The following GNG7 variants were observed in gnomAD, a reference collection of about 807,000 sequenced individuals.
GNG7 encodes the protein guanine nucleotide-binding protein G(I)/G(S)/G(O) subunit gamma-7.
Under a neutral mutation model 4.0 loss-of-function variants are expected in GNG7, and 1 was observed. That is an observed-to-expected ratio of 0.25 (90% CI 0.09 to 1.18). The LOEUF is 1.18. Among genes scored for constraint, GNG7 ranks in the 50% most tolerant of loss-of-function variants. The pLI, the probability that GNG7 is intolerant of heterozygous loss-of-function variation, is 0.50. For missense variants in GNG7, 86 were observed against 91.9 expected, an observed-to-expected ratio of 0.94 and a Z score of 0.26; for synonymous variants, 34 against 36.9, an observed-to-expected ratio of 0.92 and a Z score of 0.29.
intron 4 of GNG7, 123 bp downstream of exon 4, chr19:2,520,485 G>A (rs1490850893): frequency 3.3e-6 from 2 of 613,864 alleles, no homozygotes; most frequent in African/African-American, 3.7e-5. Flanking sequence ...AGGGCCTCAA[G>A]GTCACACAGC....
intron 2 of GNG7, among the ~76,000 whole-genome samples, chr19:2,616,786 G>A (rs1981735868): frequency 6.6e-6 from 1 of 151,814 alleles, no homozygotes; most frequent in South Asian, 2.1e-4. Flanking sequence ...AAAAAAACCA[G>A]ACAAATATAG....
At position 2,633,727 on chromosome 19, in the gene GNG7, G is replaced by C. The variant is rs1405122056; in HGVS notation, c.-78+12497C>G. Among the ~76,000 whole-genome samples the C allele has an allele frequency of 6.6e-6, 1 of 152,114 alleles. No homozygotes were observed. The highest frequency in any genetic ancestry group is 2.4e-5 in the African/African-American group (1 of 41,436). The stretch of plus-strand genomic sequence containing the variant: ...GTTTACCGGGGCTTGAGTGGGAGCT[G>C]TAGTAATTCTGTCCAGAAGAGGACA... On this transcript the variant is annotated intron_variant, in intron 2 of 4. Transcript: ENST00000382159. The surrounding 1 kb of genome is among the most constrained non-coding windows in gnomAD (Gnocchi z 5.9).
At chr19:2,590,888 T>A (rs1056226234) in intron 2 of GNG7, among the ~76,000 whole-genome samples, 3 of 151,282 alleles carry the variant, frequency 2.0e-5, no homozygotes, top group African/African-American at 7.3e-5. Context: ...CATCCACCCA[T>A]CCATCCATTT....
Position 2,512,133 on chromosome 19 carries a change from G to A in GNG7, c.*2889C>T. On this transcript the variant is annotated 3_prime_UTR_variant, in exon 5 of 5. Coordinates refer to ENST00000382159, the MANE Select transcript of GNG7 (RefSeq NM_052847.3). This position sits in a 1 kb window ranked among gnomAD's most constrained non-coding sequence, Gnocchi z 4.7. Reference sequence around the variant, plus strand: ...CTTAACTCTCTTTTCCCCTGGCGTAGCTGAGAGAGGCTTGTCCCCCCAAGG... The same window carrying A: ...CTTAACTCTCTTTTCCCCTGGCGTAACTGAGAGAGGCTTGTCCCCCCAAGG... 1 of 985,654 alleles carries A rather than the reference G, an allele frequency of 1.0e-6. No homozygotes were observed. The highest frequency in any genetic ancestry group is 1.2e-6 in the Non-Finnish European group (1 of 829,960). The allele number at this position is 985,654 out of a possible 1,614,324, so 61.1% of individuals were successfully genotyped here.
chr19:2,521,612 G>GCTTTTTT (rs1177641184), intron 3 of GNG7, among the ~76,000 whole-genome samples: 1 of 104,702 alleles, frequency 9.6e-6, no homozygotes, highest in African/African-American at 3.9e-5. Context: ...CCCCCTCCGT[G>GCTTTTTT]TTTTTTTTTT....
chr19:2,699,546 C>A (rs944382217), intron 1 of GNG7, among the ~76,000 whole-genome samples: 1 of 152,196 alleles, frequency 6.6e-6, no homozygotes, highest in Non-Finnish European at 1.5e-5. Flanking sequence ...ATCCTCAATT[C>A]TGAATGACCC....
intron 1 of GNG7, among the ~76,000 whole-genome samples, chr19:2,646,660 G>A (rs905378611): frequency 1.3e-5 from 2 of 150,824 alleles, no homozygotes; most frequent in African/African-American, 4.9e-5. Flanking sequence ...CCTCCAGCCT[G>A]GGCAACAGGG....
intron 2 of GNG7, among the ~76,000 whole-genome samples, chr19:2,575,592 G>GAC (rs145771583): frequency 8.2e-6 from 1 of 121,702 alleles, no homozygotes; most frequent in African/African-American, 3.1e-5. Flanking sequence ...GGCACACGCA[G>GAC]ACACGCAGGC....
Position 2,513,063 on chromosome 19 carries a change from G to T in GNG7, c.*1959C>A. On this transcript the variant is annotated 3_prime_UTR_variant, in exon 5 of 5. Coordinates refer to ENST00000382159, the MANE Select transcript of GNG7 (RefSeq NM_052847.3). ...TGCCGTAGAGAGCTGGGTGCCGGGG[G>T]TGGGGAGCCCGGCTGTGGCCTGTGG... is the stretch of plus-strand genomic sequence containing the variant. 2.0e-6 allele frequency: 2 copies of T among 985,594 alleles called. No homozygotes were observed. Among genetic ancestry groups the T allele is most frequent in the Non-Finnish European group, 2.4e-6 (2 of 830,062 alleles). 61.1% of individuals were successfully genotyped at this position (985,594 alleles called of 1,614,324 possible).
intron 2 of GNG7, chr19:2,643,081 G>A (rs1305504419): frequency 3.6e-5 from 16 of 450,246 alleles, no homozygotes; most frequent in Admixed American, 1.7e-4. Context: ...ACACCTTTCC[G>A]CCTTGCGCCA....
intron 2 of GNG7, chr19:2,642,302 A>T (rs941546353): frequency 5.0e-6 from 1 of 199,696 alleles, no homozygotes; most frequent in African/African-American, 2.3e-5. Flanking sequence ...GAATTGCCGT[A>T]TCCTAGCTTG....
At position 2,696,563 on chromosome 19, in the gene GNG7, C is replaced by T. The variant is rs8102960; in HGVS notation, c.-135+6083G>A. Among the ~76,000 whole-genome samples, 973 of 152,318 alleles carry T rather than the reference C, an allele frequency of 6.4e-3. 13 individuals carry two copies. The highest frequency in any genetic ancestry group is 0.022 in the African/African-American group (907 of 41,576). ...TTGCCCAAAGGCAAAAGCGGCCGAG[C>T]GTGTGTTGCTGAATGGATGGATGAG... On this transcript the variant is annotated intron_variant, in intron 1 of 4. Coordinates refer to ENST00000382159, the MANE Select transcript of GNG7 (RefSeq NM_052847.3).
intron 2 of GNG7, among the ~76,000 whole-genome samples, chr19:2,558,339 C>T (rs113863602): frequency 5.9e-5 from 9 of 151,536 alleles, no homozygotes; most frequent in Non-Finnish European, 5.9e-5. Context: ...TGGGCTCAAG[C>T]GATCCTCCCT....
intron 1 of GNG7, among the ~76,000 whole-genome samples, chr19:2,678,019 A>G (rs1983637185): frequency 6.6e-6 from 1 of 152,204 alleles, no homozygotes; most frequent in African/African-American, 2.4e-5. Context: ...CAAAGGACAA[A>G]GCCAGTCCCA....
In GNG7 at chr19:2,674,830, T is replaced by A. The variant is rs113904006; in HGVS notation, c.-135+27816A>T. On this transcript the variant is annotated intron_variant, in intron 1 of 4. Coordinates refer to ENST00000382159, the MANE Select transcript of GNG7 (RefSeq NM_052847.3). The stretch of plus-strand genomic sequence containing the variant: ...CAGAGATCTCCTTATGTGATGGTCG[T>A]AACTCGCATTTCCACCCTCGACAGC... 9.5e-3 allele frequency among the ~76,000 whole-genome samples: 1,442 copies of A among 152,286 alleles called. 24 individuals carry two copies. The highest frequency in any genetic ancestry group is 0.032 in the African/African-American group (1,336 of 41,544).
chr19:2,540,967 A>G (rs2144747402), intron 3 of GNG7, among the ~76,000 whole-genome samples: 1 of 152,368 alleles, frequency 6.6e-6, no homozygotes, highest in East Asian at 1.9e-4. Flanking sequence ...ACCAGCAGGG[A>G]GAGAGCATGC....
intron 1 of GNG7, among the ~76,000 whole-genome samples, chr19:2,667,549 C>T (rs1021987987): frequency 3.9e-5 from 6 of 152,152 alleles, no homozygotes; most frequent in African/African-American, 1.4e-4. Context: ...GAGGCCGAGG[C>T]AGGAGGATCA....
intron 3 of GNG7, among the ~76,000 whole-genome samples, chr19:2,535,164 T>C (rs1256527077): frequency 6.6e-6 from 1 of 152,078 alleles, no homozygotes; most frequent in Non-Finnish European, 1.5e-5. Flanking sequence ...ATTTGAGTTG[T>C]ATGCCTACTG....
At chr19:2,643,556 GTCCGAGACCTC>G (rs1253281775) in intron 2 of GNG7, 4 of 366,624 alleles carry the variant, frequency 1.1e-5, no homozygotes, top group Non-Finnish European at 2.1e-5. Flanking sequence ...GAAATGCAAA[GTCCGAGACCTC>G]TCCGGACTCT....
Sources: allele counts gnomAD v4.1 joint callset (sites outside exome capture counted in the v4.1 genomes callset), GRCh38; gene constraint gnomAD v4.1.1; non-coding constraint Gnocchi (gnomAD v3.1); transcripts MANE v1.5; gene names NCBI Gene and HGNC (gene_info 2026-07-23, HGNC 2026-07-21).